MNS1: variants seen among roughly 807,000 people sequenced by gnomAD.
MNS1 encodes meiosis specific nuclear structural 1.
A neutral mutation model predicts 72.0 loss-of-function variants in MNS1; 63 were observed. The ratio of observed to expected loss-of-function variants is 0.87; its 90% CI spans 0.71 to 1.08. The LOEUF is 1.08. MNS1 is among the 50% of genes least tolerant of loss of function. MNS1 has a pLI of 0.00. For missense variants in MNS1, 604 were observed against 562.4 expected (o/e 1.07, Z -0.75); for synonymous variants, 188 against 172.1 (o/e 1.09, Z -0.72).
intron 3 of MNS1, among the ~76,000 whole-genome samples, chr15:56,453,656 C>T (rs1467129586): frequency 6.6e-6 from 1 of 152,072 alleles, no homozygotes. Flanking sequence ...TTAATTATAA[C>T]TACTAATTGT....
intron 2 of MNS1, among the ~76,000 whole-genome samples, chr15:56,463,360 TA>T (rs550795944): frequency 4.0e-5 from 6 of 151,570 alleles, no homozygotes; most frequent in Admixed American, 6.6e-5. Flanking sequence ...ATATTTATGT[TA>T]AAAAAAAATC....
intron 3 of MNS1, 56 bp from the exon 4 acceptor site, chr15:56,446,999 C>T: frequency 1.6e-6 from 2 of 1,248,040 alleles, no homozygotes; most frequent in Non-Finnish European, 1.1e-6. Flanking sequence ...GAATGAAAAC[C>T]TCACAGAAAA....
chr15:56,438,302 A>T (rs2050762517), intron 7 of MNS1, among the ~76,000 whole-genome samples: 2 of 152,164 alleles, frequency 1.3e-5, no homozygotes, highest in Admixed American at 1.3e-4. Context: ...AGCCCTCAGA[A>T]ATAGTACCAC....
chr15:56,437,774 G>C (rs545701734), intron 7 of MNS1, among the ~76,000 whole-genome samples: 1 of 152,230 alleles, frequency 6.6e-6, no homozygotes, highest in African/African-American at 2.4e-5. Flanking sequence ...AAAGTCTCAG[G>C]ATACAAAATC....
intron 8 of MNS1, among the ~76,000 whole-genome samples, chr15:56,432,684 T>C (rs954895994): frequency 2.6e-5 from 4 of 152,218 alleles, no homozygotes; most frequent in Non-Finnish European, 5.9e-5. Context: ...TTCTAGTTAG[T>C]TGTCTTGCTA....
chr15:56,448,204 C>T (rs1400022055), intron 3 of MNS1, among the ~76,000 whole-genome samples: 2 of 152,128 alleles, frequency 1.3e-5, no homozygotes, highest in African/African-American at 2.4e-5. Context: ...GCACGTTCAG[C>T]GTTTTAAGAA....
chr15:56,440,930 T>G (rs367664840), intron 7 of MNS1, among the ~76,000 whole-genome samples: 3 of 152,186 alleles, frequency 2.0e-5, no homozygotes, highest in South Asian at 4.1e-4. Flanking sequence ...TAGACTATTG[T>G]GAATAATGCT....
intron 7 of MNS1, among the ~76,000 whole-genome samples, chr15:56,440,811 G>T (rs1490186400): frequency 1.3e-5 from 2 of 152,122 alleles, no homozygotes; most frequent in African/African-American, 4.8e-5. Context: ...AGCATGATCA[G>T]TCTGTCATTC....
At chr15:56,451,355 A>G (rs1253368254) in intron 3 of MNS1, among the ~76,000 whole-genome samples, 4 of 152,262 alleles carry the variant, frequency 2.6e-5, no homozygotes, top group African/African-American at 9.6e-5. Context: ...GGAAAGGGCA[A>G]GTGAAGATAC....
chr15:56,441,744 G>A (rs1169691197), intron 7 of MNS1, among the ~76,000 whole-genome samples: 1 of 152,180 alleles, frequency 6.6e-6, no homozygotes, highest in African/African-American at 2.4e-5. Context: ...GCCAGGCACG[G>A]TGGCTCACAC....
At chr15:56,461,813 AAGTC>A (rs2051023471) in intron 2 of MNS1, among the ~76,000 whole-genome samples, 1 of 151,958 alleles carries the variant, frequency 6.6e-6, no homozygotes, top group Non-Finnish European at 1.5e-5. Context: ...AAAAGAGACA[AAGTC>A]AAAAACTAAA....
Position 56,464,010 on chromosome 15 carries a change from G to C in MNS1, c.225+16C>G. On this transcript the variant is annotated intron_variant, in intron 2 of 9. Transcript: ENST00000260453. ...GCAAAATGAAAAAAAAAGTAACAAT[G>C]AATAGTAAAACTTACCTTTTGAATG... The C allele has an allele frequency of 1.3e-6, 2 of 1,579,858 alleles. No homozygotes were observed. The highest frequency in any genetic ancestry group is 1.2e-5 in the South Asian group (1 of 86,652).
chr15:56,456,348 TTAAAG>T, intron 3 of MNS1, 41 bp downstream of exon 3: 1 of 1,553,666 alleles, frequency 6.4e-7, no homozygotes, highest in Non-Finnish European at 8.7e-7. Context: ...ACATAAGAGT[TTAAAG>T]ATAAAGACTA....
chr15:56,463,889 C>T (rs771518193), intron 2 of MNS1, 137 bp downstream of exon 2: 3 of 689,446 alleles, frequency 4.4e-6, no homozygotes, highest in Admixed American at 3.0e-5. Flanking sequence ...TTTACGATTA[C>T]ACCGAGCTGA....
At chr15:56,437,830 A>G (rs1159842358) in intron 7 of MNS1, among the ~76,000 whole-genome samples, 1 of 152,196 alleles carries the variant, frequency 6.6e-6, no homozygotes, top group Non-Finnish European at 1.5e-5. Context: ...TAACAGACAG[A>G]CAGAGAGCCA....
In MNS1 at chr15:56,443,814, T is replaced by C; in HGVS notation, c.727A>G (p.Arg243Gly). 3 of 1,608,048 alleles carry C rather than the reference T, an allele frequency of 1.9e-6. No homozygotes were observed. The highest frequency in any genetic ancestry group is 2.5e-6 in the Non-Finnish European group (3 of 1,178,002). Residue 243 changes from arginine to glycine, a missense_variant, in exon 6 of 10, where the codon AGG (arginine) becomes GGG (glycine). Arg to Gly is a moderately radical substitution (Grantham distance 125). Coordinates refer to ENST00000260453, the MANE Select transcript of MNS1 (RefSeq NM_018365.4). ...TCTTTCTGAAACTCTTCTATATACC[T>C]TCGCATTGCATTCATTTTTTCTAAC... Reference protein sequence around the residue: ...QKLEKMNAMRRYIEEFQKEQA... With the variant: ...QKLEKMNAMRGYIEEFQKEQA...
chr15:56,435,431 C>G (rs1204433735), intron 7 of MNS1, among the ~76,000 whole-genome samples: 3 of 149,494 alleles, frequency 2.0e-5, no homozygotes, highest in Admixed American at 1.3e-4. Flanking sequence ...CAAGGCTGAC[C>G]TAGAAAAAAA....
chr15:56,437,422 T>A (rs191124347), intron 7 of MNS1, among the ~76,000 whole-genome samples: 302 of 152,178 alleles, frequency 2.0e-3, no homozygotes, highest in African/African-American at 6.9e-3. Context: ...ACAGCCCTTC[T>A]TGCTAAAAAC....
At chr15:56,448,473 G>T (rs1485737307) in intron 3 of MNS1, among the ~76,000 whole-genome samples, 4 of 152,166 alleles carry the variant, frequency 2.6e-5, no homozygotes, top group Non-Finnish European at 5.9e-5. Context: ...ACCTATAAGT[G>T]AGAATATGCA....
Sources: gnomAD v4.1 joint callset for allele counts (sites outside exome capture counted in the v4.1 genomes callset) on GRCh38, gnomAD v4.1.1 for gene constraint, MANE v1.5 for transcripts, NCBI Gene and HGNC (gene_info 2026-07-23, HGNC 2026-07-21) for gene names.